WDPCP: variants seen among roughly 807,000 people sequenced by gnomAD.
WDPCP encodes WD repeat-containing and planar cell polarity effector protein fritz homolog.
WDPCP carries 71 observed loss-of-function variants against 93.1 expected under a neutral mutation model. That is an observed-to-expected ratio of 0.76 (90% CI 0.63 to 0.93). The LOEUF is 0.93. Ranked by LOEUF, WDPCP falls within the 40% of genes least tolerant of loss-of-function variation. The probability of loss-of-function intolerance (pLI) is 0.00; values close to 1 mark genes in which losing one functional copy is unlikely to be tolerated. For synonymous variants in WDPCP, 315 were observed against 315.0 expected, an observed-to-expected ratio of 1.00 and a Z score of 0.00; for missense variants, 844 against 887.4, an observed-to-expected ratio of 0.95 and a Z score of 0.62.
chr2:63,646,818 G>A (rs1183287529), intron 3 of WDPCP, among the ~76,000 whole-genome samples: 2 of 151,820 alleles, frequency 1.3e-5, no homozygotes, highest in African/African-American at 4.8e-5. Context: ...CTTCTCTTTT[G>A]CTGCTTTTAG....
intron 12 of WDPCP, among the ~76,000 whole-genome samples, chr2:63,325,144 G>A (rs372479401): frequency 1.1e-4 from 16 of 152,310 alleles, no homozygotes; most frequent in African/African-American, 3.8e-4. Context: ...GGAAAAGCAA[G>A]ATCAGAGAAA....
In WDPCP at chr2:63,487,483, C is replaced by T. The variant is rs190629484; in HGVS notation, c.172G>A (p.Gly58Arg). Residue 58 changes from glycine to arginine, a missense_variant, in exon 3 of 18, where the codon GGG (glycine) becomes AGG (arginine). Physicochemically the swap from Gly to Arg is moderately radical, Grantham distance 125 (BLOSUM62 -2). Coordinates refer to ENST00000272321, the MANE Select transcript of WDPCP (RefSeq NM_015910.7). Reference sequence around the variant, plus strand: ...TTCTTGTCATAATACTGGTAGATCCCAATGTCTCTATCTATAGAAAGGAAG... The same window carrying T: ...TTCTTGTCATAATACTGGTAGATCCTAATGTCTCTATCTATAGAAAGGAAG... ...NTLHIADRDI[G>R]IYQYYDKKDP... The T allele has an allele frequency of 2.5e-6, 4 of 1,594,348 alleles. No homozygotes were observed. Among genetic ancestry groups the T allele is most frequent in the Admixed American group, 3.4e-5 (2 of 59,698 alleles).
chr2:63,691,562 G>T (rs1668888265), intron 2 of WDPCP, among the ~76,000 whole-genome samples: 2 of 152,094 alleles, frequency 1.3e-5, no homozygotes, highest in Non-Finnish European at 2.9e-5. Context: ...TTGAACCTGG[G>T]GGGCGGAGGT....
chr2:63,253,875 C>T (rs1438893793), intron 14 of WDPCP, among the ~76,000 whole-genome samples: 1 of 152,086 alleles, frequency 6.6e-6, no homozygotes, highest in African/African-American at 2.4e-5. Context: ...TGATCCCATT[C>T]CTGAGTATAT....
chr2:63,471,953 T>A (rs970856594), intron 6 of WDPCP, among the ~76,000 whole-genome samples: 1 of 152,134 alleles, frequency 6.6e-6, no homozygotes, highest in African/African-American at 2.4e-5. Flanking sequence ...TTTTAATTAT[T>A]ATTATACTTT....
intron 2 of WDPCP, among the ~76,000 whole-genome samples, chr2:63,786,507 T>C (rs556861587): frequency 2.0e-5 from 3 of 152,322 alleles, no homozygotes; most frequent in Admixed American, 6.5e-5. Flanking sequence ...TTCACAATAC[T>C]GCCAGTGCCA....
At chr2:63,320,289 T>G (rs1418079481) in intron 12 of WDPCP, among the ~76,000 whole-genome samples, 1 of 151,936 alleles carries the variant, frequency 6.6e-6, no homozygotes, top group Non-Finnish European at 1.5e-5. Flanking sequence ...CCAAGAAAAT[T>G]TATCACAAGT....
At chr2:63,145,369 C>T (rs1671414894) in intron 17 of WDPCP, among the ~76,000 whole-genome samples, 1 of 150,322 alleles carries the variant, frequency 6.7e-6, no homozygotes, top group African/African-American at 2.5e-5. Context: ...AGGGAAGTAC[C>T]ATCAGGTGGG....
chr2:63,265,427 A>G (rs1431967142), intron 13 of WDPCP, among the ~76,000 whole-genome samples: 3 of 152,164 alleles, frequency 2.0e-5, no homozygotes, highest in Non-Finnish European at 4.4e-5. Flanking sequence ...TGGATAACCC[A>G]GAAGAAATGA....
At chr2:63,395,317 CTGTACCTATCACCCAAACAGTGAACAT>C (rs1270662886) in intron 10 of WDPCP, among the ~76,000 whole-genome samples, 1 of 152,112 alleles carries the variant, frequency 6.6e-6, no homozygotes, top group Non-Finnish European at 1.5e-5. Context: ...TGGGCTTTTA[CTGTACCTATCACCCAAACAGTGAACAT>C]TGTACTCAAT....
intron 1 of WDPCP, among the ~76,000 whole-genome samples, chr2:63,577,166 T>A (rs1708171203): frequency 6.6e-6 from 1 of 152,246 alleles, no homozygotes; most frequent in African/African-American, 2.4e-5. Context: ...AAGTGATATT[T>A]CCTGAAGCCA....
intron 2 of WDPCP, among the ~76,000 whole-genome samples, chr2:63,740,832 C>A (rs1462356589): frequency 6.6e-6 from 1 of 152,100 alleles, no homozygotes; most frequent in East Asian, 1.9e-4. Context: ...TCCTACAGCC[C>A]AGAGCCATGC....
At chr2:63,187,687 TTGTG>T (rs1674738471) in intron 14 of WDPCP, among the ~76,000 whole-genome samples, 1 of 152,214 alleles carries the variant, frequency 6.6e-6, no homozygotes, top group Non-Finnish European at 1.5e-5. Flanking sequence ...AGATTTATAA[TTGTG>T]TGTGTCTGTG....
chr2:63,772,340 G>C (rs1453346565), intron 2 of WDPCP, among the ~76,000 whole-genome samples: 2 of 152,004 alleles, frequency 1.3e-5, no homozygotes, highest in Admixed American at 1.3e-4. Flanking sequence ...CTTTTGAGAA[G>C]TGTTTATGTC....
At chr2:63,284,576 G>A (rs1326468911) in intron 13 of WDPCP, among the ~76,000 whole-genome samples, 1 of 152,096 alleles carries the variant, frequency 6.6e-6, no homozygotes, top group Admixed American at 6.5e-5. Flanking sequence ...CAAACTAAAG[G>A]TAACTTGAAC....
intron 1 of WDPCP, among the ~76,000 whole-genome samples, chr2:63,573,623 T>C (rs905363353): frequency 5.9e-5 from 9 of 152,112 alleles, no homozygotes; most frequent in Non-Finnish European, 1.5e-5. Flanking sequence ...CTGCACAAAT[T>C]GTTTGTAGAG....
intron 2 of WDPCP, among the ~76,000 whole-genome samples, chr2:63,808,355 C>T (rs1670801709): frequency 8.0e-6 from 1 of 124,720 alleles, no homozygotes; most frequent in South Asian, 2.4e-4. Flanking sequence ...CACGGTCTCC[C>T]TCTCCCTCTC....
chr2:63,292,765 G>T (rs1411428562), intron 13 of WDPCP, among the ~76,000 whole-genome samples: 1 of 152,198 alleles, frequency 6.6e-6, no homozygotes, highest in Non-Finnish European at 1.5e-5. Context: ...CAGGAATCTG[G>T]AACCTAAATA....
intron 1 of WDPCP, among the ~76,000 whole-genome samples, chr2:63,564,008 T>C (rs1171582374): frequency 6.6e-6 from 1 of 152,222 alleles, no homozygotes; most frequent in Non-Finnish European, 1.5e-5. Flanking sequence ...TTTTAGGGTA[T>C]ATGAATTATA....
Sources: gnomAD v4.1 joint callset for allele counts (sites outside exome capture counted in the v4.1 genomes callset) on GRCh38, gnomAD v4.1.1 for gene constraint, MANE v1.5 for transcripts, NCBI Gene and HGNC (gene_info 2026-07-23, HGNC 2026-07-21) for gene names.